The following CRMP1 variants were observed in gnomAD, a reference collection of about 807,000 sequenced individuals.
The protein encoded by CRMP1 is dihydropyrimidinase-related protein 1.
A neutral mutation model predicts 68.3 loss-of-function variants in CRMP1; 19 were observed. The ratio of observed to expected loss-of-function variants is 0.28; its 90% CI spans 0.19 to 0.41. The LOEUF is 0.41. Among genes scored for constraint, CRMP1 ranks in the 10% least tolerant of loss-of-function variants. The probability of loss-of-function intolerance (pLI) is 1.00; values close to 1 mark genes in which losing one functional copy is unlikely to be tolerated. For missense variants in CRMP1, 791 were observed against 967.4 expected, an observed-to-expected ratio of 0.82 and a Z score of 2.42; for synonymous variants, 439 against 399.6, an observed-to-expected ratio of 1.10 and a Z score of -1.18.
intron 1 of CRMP1, among the ~76,000 whole-genome samples, chr4:5,871,890 G>A (rs1207521322): frequency 1.3e-5 from 2 of 152,276 alleles, no homozygotes; most frequent in Non-Finnish European, 2.9e-5. Flanking sequence ...TTGAAGTTAC[G>A]TGCTTTGTGA....
intron 13 of CRMP1, chr4:5,824,992 C>T: frequency 1.0e-6 from 1 of 985,360 alleles, no homozygotes; most frequent in Non-Finnish European, 1.2e-6. Context: ...CTTGGGGCTT[C>T]CGTTTCCTCT....
chr4:5,889,482 C>A lies in CRMP1; in HGVS notation c.381+3107G>T. 7.4e-7 allele frequency: 1 copy of A among 1,347,228 alleles called. No individual in the cohort carries two copies. The highest frequency in any genetic ancestry group is 1.0e-6 in the Non-Finnish European group (1 of 982,720). The allele number at this position is 1,347,228 out of a possible 1,614,324, so 83.5% of individuals were successfully genotyped here. On this transcript the variant is annotated intron_variant, in intron 1 of 13. Coordinates refer to ENST00000324989, the MANE Select transcript of CRMP1 (RefSeq NM_001014809.3). This position sits in a 1 kb window ranked among gnomAD's most constrained non-coding sequence, Gnocchi z 4.5. ...AGATGTTGCTCCAGAGGGAGGTGGG[C>A]AGGAAGCCAGGTCACAGCTTGACAA...
At chr4:5,876,686 T>C (rs947470030) in intron 1 of CRMP1, among the ~76,000 whole-genome samples, 4 of 152,192 alleles carry the variant, frequency 2.6e-5, no homozygotes, top group Non-Finnish European at 5.9e-5. Flanking sequence ...ACTCATGATG[T>C]TGAAGCTGAT....
At position 5,834,581 on chromosome 4, in the gene CRMP1, G is replaced by A. The variant is rs1189722588; in HGVS notation, c.1623+1334C>T. On this transcript the variant is annotated intron_variant, in intron 11 of 13. Transcript: ENST00000324989. The surrounding 1 kb of genome is among the most constrained non-coding windows in gnomAD (Gnocchi z 4.3). ...TTTCTTATAAATTACCCAGTCTGTG[G>A]TATCTATTACAGTAGCACAAAATGG... Among the ~76,000 whole-genome samples the A allele has an allele frequency of 1.3e-5, 2 of 152,196 alleles. No homozygotes were observed. Among genetic ancestry groups the A allele is most frequent in the East Asian group, 3.9e-4 (2 of 5,178 alleles).
Position 5,858,807 on chromosome 4 carries a change from C to T in CRMP1, c.655+2219G>A, listed in dbSNP as rs2152467091. ...GTCCTCTCCTTCCAGCCTTGCCTCA[C>T]AGGATGTCATCCCTCAATCTCGACA... On this transcript the variant is annotated intron_variant, in intron 3 of 13. Transcript: ENST00000324989. This position sits in a 1 kb window ranked among gnomAD's most constrained non-coding sequence, Gnocchi z 5.5. Among the ~76,000 whole-genome samples the T allele has an allele frequency of 6.6e-6, 1 of 152,306 alleles. No homozygotes were observed. Among genetic ancestry groups the T allele is most frequent in the East Asian group, 1.9e-4 (1 of 5,174 alleles).
chr4:5,887,718 C>T, intron 1 of CRMP1: 1 of 985,598 alleles, frequency 1.0e-6, no homozygotes, highest in South Asian at 4.7e-5. Context: ...TCCCTAGGTC[C>T]GGACTTCCAC....
At position 5,888,228 on chromosome 4, in the gene CRMP1, C is replaced by G; in HGVS notation, c.381+4361G>C. The G allele has an allele frequency of 5.5e-6, 7 of 1,276,068 alleles. No homozygotes were observed. Among genetic ancestry groups the G allele is most frequent in the Non-Finnish European group, 7.0e-6 (7 of 1,005,814 alleles). 79.0% of individuals were successfully genotyped at this position (1,276,068 alleles called of 1,614,324 possible). A position where few individuals can be genotyped will look rare whatever the true frequency, so the allele number is the denominator to read the frequency against. Reference sequence around the variant, plus strand: ...GGCGGCGGGGGCGGGGGCCGCTTACCGTGATGTGCGGGATGCTCTTCTTGC... The same window carrying G: ...GGCGGCGGGGGCGGGGGCCGCTTACGGTGATGTGCGGGATGCTCTTCTTGC... On this transcript the variant is annotated intron_variant, in intron 1 of 13. Coordinates refer to ENST00000324989, the MANE Select transcript of CRMP1 (RefSeq NM_001014809.3). The surrounding 1 kb of genome is among the most constrained non-coding windows in gnomAD (Gnocchi z 6.4).
Position 5,889,791 on chromosome 4 carries a change from A to G in CRMP1, c.381+2798T>C. 6.5e-7 allele frequency: 1 copy of G among 1,526,910 alleles called. No homozygotes were observed. The highest frequency in any genetic ancestry group is 8.8e-7 in the Non-Finnish European group (1 of 1,140,962). 94.6% of individuals were successfully genotyped at this position (1,526,910 alleles called of 1,614,324 possible). A position where few individuals can be genotyped will look rare whatever the true frequency, so the allele number is the denominator to read the frequency against. ...GTTGGGGGCTGGGGCCCTGACCTTC[A>G]CCACCCCAGGGGCCAGTCCCCTAAT... On this transcript the variant is annotated intron_variant, in intron 1 of 13. Transcript: ENST00000324989. This position sits in a 1 kb window ranked among gnomAD's most constrained non-coding sequence, Gnocchi z 4.5.
intron 11 of CRMP1, among the ~76,000 whole-genome samples, chr4:5,829,851 A>G (rs1422409038): frequency 1.3e-5 from 2 of 152,224 alleles, no homozygotes; most frequent in African/African-American, 4.8e-5. Flanking sequence ...CAGACTTTGC[A>G]TCCACAGTCT....
chr4:5,852,645 T>C (rs1036569016), intron 4 of CRMP1, among the ~76,000 whole-genome samples: 7 of 152,248 alleles, frequency 4.6e-5, no homozygotes, highest in Non-Finnish European at 7.3e-5. Flanking sequence ...TCCACTGATA[T>C]TGGATGCAAC....
rs1433438888 is a variant in CRMP1 at position 5,859,611 on chromosome 4, T to C, written c.655+1415A>G. On this transcript the variant is annotated intron_variant, in intron 3 of 13. Coordinates refer to ENST00000324989, the MANE Select transcript of CRMP1 (RefSeq NM_001014809.3). The surrounding 1 kb of genome is among the most constrained non-coding windows in gnomAD (Gnocchi z 5.2). The stretch of plus-strand genomic sequence containing the variant: ...AGAGGCTGAGTGCTGGCCACAGTCA[T>C]GCAGTTGCCTGCTGAGTGCCAGTGC... 6.6e-6 allele frequency among the ~76,000 whole-genome samples: 1 copy of C among 152,220 alleles called. No homozygotes were observed. Among genetic ancestry groups the C allele is most frequent in the Non-Finnish European group, 1.5e-5 (1 of 68,042 alleles).
intron 4 of CRMP1, among the ~76,000 whole-genome samples, chr4:5,852,010 G>C (rs1712695597): frequency 6.6e-6 from 1 of 151,740 alleles, no homozygotes; most frequent in Non-Finnish European, 1.5e-5. Flanking sequence ...AAGAGGACGA[G>C]GAGGAGGAGG....
chr4:5,888,325 G>C lies in CRMP1; in HGVS notation c.381+4264C>G. The C allele has an allele frequency of 8.1e-7, 1 of 1,241,658 alleles. No homozygotes were observed. Among genetic ancestry groups the C allele is most frequent in the Non-Finnish European group, 1.0e-6 (1 of 987,778 alleles). The allele number at this position is 1,241,658 out of a possible 1,614,324, so 76.9% of individuals were successfully genotyped here. A position where few individuals can be genotyped will look rare whatever the true frequency, so the allele number is the denominator to read the frequency against. ...CCTGCGGGGCTGTCTGACTGGAACC[G>C]GCGCTCTCGGCCCCGCTCCCAGCGG... On this transcript the variant is annotated intron_variant, in intron 1 of 13. Transcript: ENST00000324989. This position sits in a 1 kb window ranked among gnomAD's most constrained non-coding sequence, Gnocchi z 6.4.
chr4:5,869,663 A>G (rs1205171565), intron 1 of CRMP1, among the ~76,000 whole-genome samples: 2 of 148,346 alleles, frequency 1.3e-5, no homozygotes, highest in Non-Finnish European at 3.0e-5. Context: ...CAGCCTGGGC[A>G]ACAGAGCAAG....
At chr4:5,831,226 C>T (rs1720362361) in intron 11 of CRMP1, among the ~76,000 whole-genome samples, 1 of 152,168 alleles carries the variant, frequency 6.6e-6, no homozygotes, top group African/African-American at 2.4e-5. Context: ...GGTTTACAGG[C>T]ATGAACCACC....
At position 5,825,280 on chromosome 4, in the gene CRMP1, C is replaced by A. The variant is rs1439257687; in HGVS notation, c.1969+214G>T. ...TTTGTAAACCCACATCAGGTACCAC[C>A]ATGTTGCCCCCCTAACATGGACCCC... On this transcript the variant is annotated intron_variant, in intron 13 of 13. Coordinates refer to ENST00000324989, the MANE Select transcript of CRMP1 (RefSeq NM_001014809.3). This position sits in a 1 kb window ranked among gnomAD's most constrained non-coding sequence, Gnocchi z 4.4. 3 of 985,186 alleles carry A rather than the reference C, an allele frequency of 3.0e-6. No homozygotes were observed. The highest frequency in any genetic ancestry group is 3.6e-6 in the Non-Finnish European group (3 of 829,922). 61.0% of individuals were successfully genotyped at this position (985,186 alleles called of 1,614,324 possible).
intron 1 of CRMP1, among the ~76,000 whole-genome samples, chr4:5,878,896 C>G (rs1715034296): frequency 6.6e-6 from 1 of 152,032 alleles, no homozygotes; most frequent in Admixed American, 6.6e-5. Context: ...CACCTCAAAC[C>G]TAACTCTTTT....
intron 11 of CRMP1, among the ~76,000 whole-genome samples, chr4:5,831,832 A>G (rs1304232071): frequency 1.3e-5 from 2 of 152,216 alleles, no homozygotes; most frequent in Non-Finnish European, 2.9e-5. Flanking sequence ...TAAACAACAC[A>G]AAACACCATG....
At position 5,889,106 on chromosome 4, in the gene CRMP1, A is replaced by G. The variant is rs1715821266; in HGVS notation, c.381+3483T>C. On this transcript the variant is annotated intron_variant, in intron 1 of 13. Transcript: ENST00000324989. This position sits in a 1 kb window ranked among gnomAD's most constrained non-coding sequence, Gnocchi z 4.5. ...ACCCATCTCCAATGCCTTCCCCACCACGAAGCCTCTCCCTGCCACCCTCTC... is the reference window on the plus strand; with the variant it reads ...ACCCATCTCCAATGCCTTCCCCACCGCGAAGCCTCTCCCTGCCACCCTCTC... Among the ~76,000 whole-genome samples, 1 of 151,686 alleles carries G rather than the reference A, an allele frequency of 6.6e-6. No individual in the cohort carries two copies. The highest frequency in any genetic ancestry group is 2.4e-5 in the African/African-American group (1 of 41,256).
Sources: gnomAD v4.1 joint callset for allele counts (sites outside exome capture counted in the v4.1 genomes callset) on GRCh38, gnomAD v4.1.1 for gene constraint, Gnocchi (gnomAD v3.1) non-coding constraint, MANE v1.5 for transcripts, NCBI Gene and HGNC (gene_info 2026-07-23, HGNC 2026-07-21) for gene names.